IQCM: variants seen among roughly 807,000 people sequenced by gnomAD.
IQCM encodes IQ motif containing M, also known as IQ domain-containing protein M.
IQCM carries 45 observed loss-of-function variants against 57.6 expected under a neutral mutation model. That is an observed-to-expected ratio of 0.78 (90% CI 0.62 to 1.00). IQCM has a LOEUF of 1.00. Ranked by LOEUF, IQCM falls within the 50% of genes least tolerant of loss-of-function variation. The pLI, the probability that IQCM is intolerant of heterozygous loss-of-function variation, is 0.00. For synonymous variants in IQCM, 148 were observed against 158.9 expected (o/e 0.93, Z 0.51); for missense variants, 468 against 511.6 (o/e 0.91, Z 0.82).
At chr4:149,649,925 C>T (rs1301748369) in intron 7 of IQCM, among the ~76,000 whole-genome samples, 1 of 152,120 alleles carries the variant, frequency 6.6e-6, no homozygotes, top group African/African-American at 2.4e-5. Flanking sequence ...ATATAGTTAT[C>T]ATAAAGAGAA....
At chr4:149,457,733 G>A (rs1737849416) in intron 12 of IQCM, among the ~76,000 whole-genome samples, 2 of 151,972 alleles carry the variant, frequency 1.3e-5, no homozygotes. Context: ...ATGGTTTAAA[G>A]ATGTGATTTA....
At chr4:149,711,958 C>T (rs1051368263) in intron 5 of IQCM, among the ~76,000 whole-genome samples, 1 of 152,150 alleles carries the variant, frequency 6.6e-6, no homozygotes, top group African/African-American at 2.4e-5. Context: ...CACTGGGCTT[C>T]TGGAATAGTT....
At chr4:149,372,875 A>G (rs542701519) in intron 13 of IQCM, among the ~76,000 whole-genome samples, 28 of 152,210 alleles carry the variant, frequency 1.8e-4, no homozygotes, top group Admixed American at 5.2e-4. Flanking sequence ...GGTAGTAAAG[A>G]TTTTACATAT....
intron 9 of IQCM, among the ~76,000 whole-genome samples, chr4:149,569,222 C>T (rs961935298): frequency 2.6e-5 from 4 of 152,166 alleles, no homozygotes; most frequent in African/African-American, 9.7e-5. Context: ...TTTTGTGATG[C>T]CATTGTGGCA....
At chr4:149,776,861 A>G (rs766428542) in intron 2 of IQCM, among the ~76,000 whole-genome samples, 1 of 147,178 alleles carries the variant, frequency 6.8e-6, no homozygotes, top group Admixed American at 6.6e-5. Context: ...AAATAATAAT[A>G]AAAAATCACT....
chr4:149,600,083 T>C (rs140388614), intron 8 of IQCM, among the ~76,000 whole-genome samples: 412 of 152,308 alleles, frequency 2.7e-3, no homozygotes, highest in African/African-American at 9.6e-3. Flanking sequence ...AATTGGACAG[T>C]ATTTTTAAAA....
intron 11 of IQCM, among the ~76,000 whole-genome samples, chr4:149,552,675 C>T (rs1749149784): frequency 6.6e-6 from 1 of 152,146 alleles, no homozygotes. Flanking sequence ...AAGCAGGATT[C>T]CCTACCTTCC....
chr4:149,479,924 G>A (rs1366215653), intron 12 of IQCM, among the ~76,000 whole-genome samples: 1 of 152,124 alleles, frequency 6.6e-6, no homozygotes, highest in Admixed American at 6.6e-5. Context: ...AGTAGAAACT[G>A]CCACCAGGAA....
chr4:149,700,686 C>G (rs914820920), intron 5 of IQCM, among the ~76,000 whole-genome samples: 5 of 152,012 alleles, frequency 3.3e-5, no homozygotes, highest in Non-Finnish European at 7.4e-5. Flanking sequence ...GTAGACTCAG[C>G]TGCCTGACCG....
At chr4:149,518,504 A>T (rs146678452) in intron 12 of IQCM, among the ~76,000 whole-genome samples, 143 of 152,352 alleles carry the variant, frequency 9.4e-4, no homozygotes, top group Non-Finnish European at 1.2e-3. Flanking sequence ...AAATTCTTAC[A>T]TCCTTTTTTT....
At chr4:149,442,951 CACAGAGAGAGAGAGAG>C (rs1337142910) in intron 12 of IQCM, among the ~76,000 whole-genome samples, 35 of 111,204 alleles carry the variant, frequency 3.1e-4, no homozygotes, top group Middle Eastern at 4.9e-3. Flanking sequence ...CACACACACA[CACAGAGAGAGAGAGAG>C]AGAGAGAGAG....
chr4:149,628,897 A>C (rs1225798934), intron 7 of IQCM, among the ~76,000 whole-genome samples: 1 of 152,202 alleles, frequency 6.6e-6, no homozygotes, highest in Non-Finnish European at 1.5e-5. Flanking sequence ...ATAGACCACC[A>C]ACAGAATTTT....
intron 12 of IQCM, among the ~76,000 whole-genome samples, chr4:149,527,653 A>C (rs1168880329): frequency 1.3e-5 from 2 of 152,226 alleles, no homozygotes; most frequent in African/African-American, 4.8e-5. Context: ...AGTATGTATT[A>C]TTCTAATTTA....
chr4:149,781,722 C>T (rs551546697), intron 2 of IQCM, among the ~76,000 whole-genome samples: 1 of 152,194 alleles, frequency 6.6e-6, no homozygotes, highest in African/African-American at 2.4e-5. Context: ...GAATGCATCC[C>T]CCTCAAAGGG....
At position 149,359,834 on chromosome 4, in the gene IQCM, C is replaced by A. The variant is rs555799981; in HGVS notation, c.1391-7768G>T. 4.6e-5 allele frequency among the ~76,000 whole-genome samples: 7 copies of A among 152,150 alleles called. No individual in the cohort carries two copies. The South Asian group carries it at 1.5e-3, about 32-fold the overall frequency. On this transcript the variant is annotated intron_variant, in intron 13 of 13. Transcript: ENST00000636793. ...CACTTTAAAATTAATCTTTGTAGAG[C>A]AACTTGGAAAGAAAACAAACACAGA...
chr4:149,714,467 C>T (rs2149838589), intron 5 of IQCM, among the ~76,000 whole-genome samples: 1 of 152,284 alleles, frequency 6.6e-6, no homozygotes, highest in Admixed American at 6.5e-5. Context: ...AGATATCCAA[C>T]TCTCTATTCA....
chr4:149,518,226 C>G (rs569795649), intron 12 of IQCM, among the ~76,000 whole-genome samples: 46 of 152,172 alleles, frequency 3.0e-4, no homozygotes, highest in Admixed American at 1.7e-3. Flanking sequence ...ATACTCCTAC[C>G]ATGAAGGGAG....
intron 13 of IQCM, among the ~76,000 whole-genome samples, chr4:149,382,123 C>G (rs1731123199): frequency 6.6e-6 from 1 of 152,032 alleles, no homozygotes; most frequent in Non-Finnish European, 1.5e-5. Flanking sequence ...TTTCTCTCTA[C>G]TAAAATATAA....
chr4:149,645,065 G>A (rs1758523272), intron 7 of IQCM, among the ~76,000 whole-genome samples: 2 of 152,216 alleles, frequency 1.3e-5, no homozygotes, highest in South Asian at 2.1e-4. Flanking sequence ...CTTTCTATAA[G>A]TTTATAAAGG....
Sources: gnomAD v4.1 joint callset for allele counts (sites outside exome capture counted in the v4.1 genomes callset) on GRCh38, gnomAD v4.1.1 for gene constraint, MANE v1.5 for transcripts, NCBI Gene and HGNC (gene_info 2026-07-23, HGNC 2026-07-21) for gene names.